CNTN1: variants seen among roughly 807,000 people sequenced by gnomAD.
CNTN1 encodes contactin 1.
CNTN1 carries 38 observed loss-of-function variants against 126.4 expected under a neutral mutation model. The observed-to-expected ratio is 0.30, with a 90% CI of 0.23 to 0.39. CNTN1 has a LOEUF of 0.39. Among genes scored for constraint, CNTN1 ranks in the 10% least tolerant of loss-of-function variants. The pLI is 1.00. For missense variants in CNTN1, 1,009 were observed against 1,248.4 expected (o/e 0.81, Z 2.89); for synonymous variants, 413 against 422.6 (o/e 0.98, Z 0.28).
intron 3 of CNTN1, among the ~76,000 whole-genome samples, chr12:40,913,847 T>C (rs1945136504): frequency 6.6e-6 from 1 of 152,216 alleles, no homozygotes; most frequent in Non-Finnish European, 1.5e-5. Context: ...ATTATTTATT[T>C]CTATCTTAGT....
At chr12:40,765,977 A>G (rs1005374201) in intron 1 of CNTN1, among the ~76,000 whole-genome samples, 2 of 152,168 alleles carry the variant, frequency 1.3e-5, no homozygotes, top group African/African-American at 4.8e-5. Context: ...GGAGATGCCT[A>G]TGGTTATTTT....
chr12:40,944,027 G>A lies in CNTN1; in HGVS notation c.1540G>A (p.Ala514Thr), dbSNP rs1167071121. The A allele has an allele frequency of 1.9e-6, 3 of 1,613,462 alleles. No homozygotes were observed. Among genetic ancestry groups the A allele is most frequent in the South Asian group, 1.1e-5 (1 of 91,052 alleles). ...GCGAATTATATTGGCCCCAATTAAT[G>A]CCGATATCACAGTTGGAGAAAACGC... is the stretch of plus-strand genomic sequence containing the variant. ...PTRIILAPIN[A>T]DITVGENATM... is the part of the protein sequence containing the mutation. Residue 514 changes from alanine to threonine, a missense_variant, in exon 14 of 24, where the codon GCC (alanine) becomes ACC (threonine). Coordinates refer to ENST00000551295, the MANE Select transcript of CNTN1 (RefSeq NM_001843.4).
intron 17 of CNTN1, among the ~76,000 whole-genome samples, chr12:40,995,486 GA>G (rs143260945): frequency 0.062 from 9,363 of 151,932 alleles, 504 homozygotes; most frequent in Admixed American, 0.16. Flanking sequence ...AGGGGAGAAG[GA>G]AAAAATAATA....
intron 4 of CNTN1, among the ~76,000 whole-genome samples, chr12:40,922,035 T>G (rs1051232937): frequency 5.9e-5 from 9 of 152,204 alleles, no homozygotes; most frequent in African/African-American, 2.2e-4. Flanking sequence ...ACAAAATACG[T>G]CATGTACTTT....
At chr12:40,863,899 G>C (rs1943197666) in intron 1 of CNTN1, among the ~76,000 whole-genome samples, 1 of 142,382 alleles carries the variant, frequency 7.0e-6, no homozygotes, top group South Asian at 2.1e-4. Flanking sequence ...GATTAGGTGG[G>C]ATCTGGACCG....
At position 40,918,839 on chromosome 12, in the gene CNTN1, A is replaced by C. The variant is rs548226653; in HGVS notation, c.227+68A>C. ...AATGATCACAGATCAGCATCTATGA[A>C]CTTGTACAGATGTAATATAGTGCTT... is the stretch of plus-strand genomic sequence containing the variant. On this transcript the variant is annotated intron_variant, in intron 4 of 23. Transcript: ENST00000551295. 225 of 1,561,426 alleles carry C rather than the reference A, an allele frequency of 1.4e-4. No individual in the cohort carries two copies. The African/African-American group carries it at 2.8e-3, about 19-fold the overall frequency.
chr12:40,838,372 T>C (rs1005861140), intron 1 of CNTN1, among the ~76,000 whole-genome samples: 3 of 152,158 alleles, frequency 2.0e-5, no homozygotes, highest in Non-Finnish European at 4.4e-5. Flanking sequence ...GCTATTGCCA[T>C]CCTCCATGCC....
At chr12:40,920,059 C>T (rs1472913086) in intron 4 of CNTN1, among the ~76,000 whole-genome samples, 1 of 152,064 alleles carries the variant, frequency 6.6e-6, no homozygotes, top group Non-Finnish European at 1.5e-5. Flanking sequence ...AAGACTGAAA[C>T]ACAGTTTTTA....
At chr12:40,814,050 T>A (rs1303406705) in intron 1 of CNTN1, among the ~76,000 whole-genome samples, 1 of 152,196 alleles carries the variant, frequency 6.6e-6, no homozygotes, top group East Asian at 1.9e-4. Context: ...GCTGTTTGTC[T>A]TTTTCTTGTA....
intron 15 of CNTN1, among the ~76,000 whole-genome samples, chr12:40,976,270 G>A (rs1947667360): frequency 6.6e-6 from 1 of 152,004 alleles, no homozygotes; most frequent in Admixed American, 6.6e-5. Flanking sequence ...AAAAACAGAA[G>A]ACAAATTTGT....
Position 40,818,487 on chromosome 12 carries a change from G to A in CNTN1, c.-76-89870G>A, listed in dbSNP as rs565329983. Among the ~76,000 whole-genome samples, 108 of 152,120 alleles carry A rather than the reference G, an allele frequency of 7.1e-4. 1 individual carries two copies. Among genetic ancestry groups the A allele is most frequent in the Admixed American group, 1.0e-3 (16 of 15,274 alleles). On this transcript the variant is annotated intron_variant, in intron 1 of 23. Transcript: ENST00000551295. ...CTGTTTTTACTTGTGTATGCATCACGAAGTACTCGTGCTGTGTTTTTCAGC... is the reference window on the plus strand; with the variant it reads ...CTGTTTTTACTTGTGTATGCATCACAAAGTACTCGTGCTGTGTTTTTCAGC...
chr12:41,036,346 A>G (rs1185189403), intron 23 of CNTN1, among the ~76,000 whole-genome samples: 1 of 152,140 alleles, frequency 6.6e-6, no homozygotes, highest in Non-Finnish European at 1.5e-5. Flanking sequence ...TGATGCTGAG[A>G]TTCTGAGAGA....
intron 23 of CNTN1, among the ~76,000 whole-genome samples, chr12:41,062,964 A>T (rs946828667): frequency 6.6e-6 from 1 of 152,242 alleles, no homozygotes; most frequent in Non-Finnish European, 1.5e-5. Context: ...TTCCCAACTG[A>T]TTAGACTAAG....
At position 41,027,931 on chromosome 12, in the gene CNTN1, G is replaced by A. The variant is rs148239965; in HGVS notation, c.2785G>A (p.Val929Ile). Residue 929 changes from valine (V) to isoleucine (I), a missense_variant, in exon 22 of 24, where the codon GTT becomes ATT. By Grantham distance (29) the Val-to-Ile change is conservative. Transcript: ENST00000551295. ...SRYIITWDHV[V>I]ALSNESTVTG... ...CTATATAATCACCTGGGATCATGTC[G>A]TTGCACTATCAAATGAATCTACAGT... The A allele has an allele frequency of 1.4e-3, 2,276 of 1,612,608 alleles. 64 individuals are homozygous for A. The South Asian group carries it at 0.024, about 17-fold the overall frequency.
intron 1 of CNTN1, among the ~76,000 whole-genome samples, chr12:40,791,004 T>C (rs1214790880): frequency 6.6e-6 from 1 of 152,082 alleles, no homozygotes; most frequent in African/African-American, 2.4e-5. Context: ...TTTCCGGTAG[T>C]CTATGCCTGG....
intron 1 of CNTN1, among the ~76,000 whole-genome samples, chr12:40,839,030 C>T (rs1942179644): frequency 6.6e-6 from 1 of 152,012 alleles, no homozygotes; most frequent in African/African-American, 2.4e-5. Context: ...TCAGAAAAAA[C>T]AATCCAGGAT....
chr12:40,732,484 A>G (rs1434612113), intron 1 of CNTN1, among the ~76,000 whole-genome samples: 2 of 152,070 alleles, frequency 1.3e-5, no homozygotes, highest in African/African-American at 4.8e-5. Flanking sequence ...ATATTTGAAG[A>G]TGTCAAATAA....
intron 14 of CNTN1, among the ~76,000 whole-genome samples, chr12:40,956,568 C>T (rs770442438): frequency 2.6e-5 from 4 of 151,880 alleles, no homozygotes; most frequent in African/African-American, 9.7e-5. Context: ...TTCCAGAAGA[C>T]AAGACAATGT....
At chr12:40,992,520 A>G (rs1029063589) in intron 16 of CNTN1, among the ~76,000 whole-genome samples, 4 of 152,048 alleles carry the variant, frequency 2.6e-5, no homozygotes, top group African/African-American at 9.7e-5. Flanking sequence ...CATTCCACCC[A>G]TAATTTATCA....
Sources: gnomAD v4.1 joint callset for allele counts (sites outside exome capture counted in the v4.1 genomes callset) on GRCh38, gnomAD v4.1.1 for gene constraint, MANE v1.5 for transcripts, NCBI Gene and HGNC (gene_info 2026-07-23, HGNC 2026-07-21) for gene names.